The following GNAQ variants were observed in gnomAD, a reference collection of about 807,000 sequenced individuals.
GNAQ encodes the protein G protein subunit alpha q.
A neutral mutation model predicts 43.9 loss-of-function variants in GNAQ; 8 were observed. That is an observed-to-expected ratio of 0.18 (90% CI 0.11 to 0.33). The LOEUF (loss-of-function observed/expected upper bound fraction) is 0.33. Among genes scored for constraint, GNAQ ranks in the 10% least tolerant of loss-of-function variants. The probability of loss-of-function intolerance (pLI) is 1.00; values close to 1 mark genes in which losing one functional copy is unlikely to be tolerated. For missense variants in GNAQ, 158 were observed against 450.8 expected, an observed-to-expected ratio of 0.35 and a Z score of 5.88; for synonymous variants, 155 against 170.7, an observed-to-expected ratio of 0.91 and a Z score of 0.71.
chr9:77,793,039 A>G (rs538713311), intron 5 of GNAQ, among the ~76,000 whole-genome samples: 165 of 152,240 alleles, frequency 1.1e-3, no homozygotes, highest in African/African-American at 3.8e-3. Context: ...TTGACACAAC[A>G]TTCAAAAAAA....
At chr9:78,024,196 G>A (rs905584377) in intron 1 of GNAQ, among the ~76,000 whole-genome samples, 12 of 152,122 alleles carry the variant, frequency 7.9e-5, no homozygotes, top group African/African-American at 2.9e-4. Flanking sequence ...ATGTTCAACC[G>A]AAACATTGTC....
At chr9:77,969,244 GGT>G (rs1823206698) in intron 1 of GNAQ, among the ~76,000 whole-genome samples, 2 of 152,034 alleles carry the variant, frequency 1.3e-5, no homozygotes, top group Non-Finnish European at 2.9e-5. Context: ...ATACAACTGT[GGT>G]TTTCTTAATG....
At chr9:77,875,612 G>A (rs1441853045) in intron 2 of GNAQ, among the ~76,000 whole-genome samples, 1 of 152,176 alleles carries the variant, frequency 6.6e-6, no homozygotes, top group African/African-American at 2.4e-5. Context: ...TGCCACTAAA[G>A]AGCTTCAGAA....
At chr9:77,996,884 T>C (rs1011427509) in intron 1 of GNAQ, among the ~76,000 whole-genome samples, 1 of 152,200 alleles carries the variant, frequency 6.6e-6, no homozygotes, top group African/African-American at 2.4e-5. Flanking sequence ...CAATTGTTAC[T>C]GGTTCTTCCC....
At chr9:77,846,885 AG>A (rs1827594479) in intron 2 of GNAQ, among the ~76,000 whole-genome samples, 2 of 152,206 alleles carry the variant, frequency 1.3e-5, no homozygotes, top group South Asian at 4.1e-4. Flanking sequence ...ATTACAGATG[AG>A]GAAGCTGAGG....
intron 2 of GNAQ, among the ~76,000 whole-genome samples, chr9:77,913,373 C>G (rs112013672): frequency 6.6e-6 from 1 of 151,554 alleles, no homozygotes; most frequent in African/African-American, 2.4e-5. Context: ...AGTACAGTAG[C>G]TGCTGGTCAC....
chr9:77,997,540 T>C (rs2118540334), intron 1 of GNAQ, among the ~76,000 whole-genome samples: 1 of 152,252 alleles, frequency 6.6e-6, no homozygotes, highest in East Asian at 1.9e-4. Context: ...GCAAGTAAAG[T>C]CAGGTACAGG....
Position 77,938,322 on chromosome 9 carries a change from TGTTC to T in GNAQ, c.137-15981_137-15978del, listed in dbSNP as rs547757876. ...TATGTGGGCTCTGATGTAACCGCTTTGTTCTTTCTCTATGTAACACATGACAGAG... is the reference window on the plus strand; with the variant it reads ...TATGTGGGCTCTGATGTAACCGCTTTTTTCTCTATGTAACACATGACAGAG... On this transcript the variant is annotated intron_variant, in intron 1 of 6. Coordinates refer to ENST00000286548, the MANE Select transcript of GNAQ (RefSeq NM_002072.5). 4.7e-3 allele frequency among the ~76,000 whole-genome samples: 719 copies of T among 152,358 alleles called. 8 individuals carry two copies. The highest frequency in any genetic ancestry group is 8.7e-3 in the Non-Finnish European group (589 of 68,034).
chr9:77,826,222 T>C (rs141101240), intron 2 of GNAQ, among the ~76,000 whole-genome samples: 4 of 152,254 alleles, frequency 2.6e-5, no homozygotes, highest in East Asian at 1.9e-4. Context: ...TGGCAAAGAA[T>C]AGAACCTGGC....
At chr9:77,741,032 A>G (rs1324851574) in intron 5 of GNAQ, among the ~76,000 whole-genome samples, 2 of 152,260 alleles carry the variant, frequency 1.3e-5, no homozygotes, top group Non-Finnish European at 2.9e-5. Context: ...TTAAATTTCA[A>G]GTAATTTTCA....
intron 1 of GNAQ, among the ~76,000 whole-genome samples, chr9:77,937,887 T>A (rs756013390): frequency 1.5e-4 from 23 of 152,176 alleles, no homozygotes; most frequent in Admixed American, 5.2e-4. Flanking sequence ...AGTGAAACTC[T>A]GTCTCAAAAT....
intron 6 of GNAQ, among the ~76,000 whole-genome samples, chr9:77,723,225 C>T (rs1392210390): frequency 6.6e-6 from 1 of 152,192 alleles, no homozygotes; most frequent in Non-Finnish European, 1.5e-5. Flanking sequence ...CATCTACTAG[C>T]ATGGCTATAA....
chr9:77,750,476 CATT>C (rs1825796117), intron 5 of GNAQ, among the ~76,000 whole-genome samples: 1 of 152,130 alleles, frequency 6.6e-6, no homozygotes, highest in African/African-American at 2.4e-5. Context: ...ATGTTATCAT[CATT>C]ATGTAATTTA....
chr9:77,977,392 A>G (rs1481659824), intron 1 of GNAQ, among the ~76,000 whole-genome samples: 1 of 152,048 alleles, frequency 6.6e-6, no homozygotes, highest in African/African-American at 2.4e-5. Context: ...GCCCACATGG[A>G]GGCGCCATGA....
rs552632510 is a variant in GNAQ at position 77,857,926 on chromosome 9, GCTT to G, written c.322-42159_322-42157del. ...GGTCACATGTTTCACATAGCATCAG[GCTT>G]CTTTTTATTTCCTTACAAACTCCCC... On this transcript the variant is annotated intron_variant, in intron 2 of 6. Coordinates refer to ENST00000286548, the MANE Select transcript of GNAQ (RefSeq NM_002072.5). 4.2e-3 allele frequency among the ~76,000 whole-genome samples: 639 copies of G among 151,282 alleles called. 2 individuals are homozygous for G. Among genetic ancestry groups the G allele is most frequent in the Non-Finnish European group, 6.0e-3 (404 of 67,872 alleles).
chr9:77,941,005 A>G (rs1200589838), intron 1 of GNAQ, among the ~76,000 whole-genome samples: 1 of 152,236 alleles, frequency 6.6e-6, no homozygotes. Flanking sequence ...AAATCTCCCA[A>G]TAAAGAAAAG....
At chr9:77,818,729 C>G (rs771732603) in intron 2 of GNAQ, among the ~76,000 whole-genome samples, 1 of 152,044 alleles carries the variant, frequency 6.6e-6, no homozygotes, top group African/African-American at 2.4e-5. Flanking sequence ...GCCAGCCATG[C>G]TGGCTCATGC....
At chr9:78,004,270 C>CT (rs1192704602) in intron 1 of GNAQ, among the ~76,000 whole-genome samples, 1 of 144,384 alleles carries the variant, frequency 6.9e-6, no homozygotes, top group Non-Finnish European at 1.5e-5. Context: ...GAGTAAGACT[C>CT]TGTCTCAAAA....
intron 5 of GNAQ, among the ~76,000 whole-genome samples, chr9:77,785,507 C>T (rs1285135013): frequency 5.9e-5 from 9 of 152,108 alleles, no homozygotes; most frequent in Admixed American, 5.9e-4. Flanking sequence ...CATATGTATT[C>T]CCTGTGAACC....
Sources: allele counts gnomAD v4.1 joint callset (sites outside exome capture counted in the v4.1 genomes callset), GRCh38; gene constraint gnomAD v4.1.1; transcripts MANE v1.5; gene names NCBI Gene and HGNC (gene_info 2026-07-23, HGNC 2026-07-21).